KMT2B: variants seen among roughly 807,000 people sequenced by gnomAD.
The protein encoded by KMT2B is histone-lysine N-methyltransferase 2B.
Under a neutral mutation model 255.3 loss-of-function variants are expected in KMT2B, and 22 were observed. The ratio of observed to expected loss-of-function variants is 0.09; its 90% confidence interval spans 0.06 to 0.12. KMT2B has a LOEUF of 0.12. KMT2B is among the 10% of genes least tolerant of loss of function. The pLI is 1.00. For missense variants in KMT2B, 3,149 were observed against 3,737.0 expected (o/e 0.84, Z 4.10); for synonymous variants, 1,730 against 1,498.1 (o/e 1.15, Z -3.57).
chr19:35,720,074 G>T lies in KMT2B; in HGVS notation c.727G>T (p.Ala243Ser), dbSNP rs1192774504. ...GCAGCAAGCAGTAGTGGTGGCAGAA[G>T]CAGCTGTGACAATCCCCAAACCTGA... ...RKQQAVVVAE[A>S]AVTIPKPEPP... The change falls in exon 3 of 37, where the codon GCA becomes TCA. Residue 243 changes from alanine (A) to serine (S), a missense_variant. Transcript: ENST00000420124. 1 of 1,607,378 alleles carries T rather than the reference G, an allele frequency of 6.2e-7. No homozygotes were observed. Among genetic ancestry groups the T allele is most frequent in the African/African-American group, 1.3e-5 (1 of 74,800 alleles).
In KMT2B at chr19:35,727,824, G is replaced by A. The variant is rs778815098; in HGVS notation, c.4392+37G>A. The A allele has an allele frequency of 2.5e-6, 4 of 1,613,292 alleles. No homozygotes were observed. The East Asian group carries it at 6.7e-5, about 27-fold the overall frequency. On this transcript the variant is annotated intron_variant, in intron 17 of 36. Transcript: ENST00000420124. This position sits in a 1 kb window ranked among gnomAD's most constrained non-coding sequence, Gnocchi z 4.2. ...ACCAGGAGGAGCAGGTGGGTGGCAG[G>A]AGGAGAGGGCTGGAATTGTGCAGAG...
intron 30 of KMT2B, among the ~76,000 whole-genome samples, chr19:35,734,265 T>A: frequency 6.9e-6 from 1 of 144,842 alleles, no homozygotes. Context: ...ATCAGAAGAG[T>A]GGTGTCCCAG....
At chr19:35,726,081 T>C (rs1043166548) in intron 13 of KMT2B, among the ~76,000 whole-genome samples, 155 bp from the exon 14 acceptor site, 4 of 152,202 alleles carry the variant, frequency 2.6e-5, no homozygotes, top group East Asian at 1.9e-4. Flanking sequence ...CCTGCCCTCA[T>C]GTTCCTCCTC....
chr19:35,718,320 G>GGGGCCC lies in KMT2B; in HGVS notation c.304_309dup (p.Gly102_Pro103dup). ...CGGGGACGGGGTCGGGGCCGGGGCT[G>GGGGCCC]GGGCCCGAGTCGAGGCTGCGTGCCG... On this transcript the variant is annotated inframe_insertion, in exon 1 of 37. Transcript: ENST00000420124. This position sits in a 1 kb window ranked among gnomAD's most constrained non-coding sequence, Gnocchi z 5.0. The GGGGCCC allele has an allele frequency of 2.4e-6, 3 of 1,246,078 alleles. No homozygotes were observed. Among genetic ancestry groups the GGGGCCC allele is most frequent in the Non-Finnish European group, 3.0e-6 (3 of 987,610 alleles). 77.2% of individuals were successfully genotyped at this position (1,246,078 alleles called of 1,614,324 possible).
chr19:35,723,629 T>C lies in KMT2B; in HGVS notation c.3059-103T>C, dbSNP rs1004555809. 4 of 1,306,924 alleles carry C rather than the reference T, an allele frequency of 3.1e-6. No homozygotes were observed. In the African/African-American group the frequency reaches 4.5e-5, roughly 15 times the overall value. 81.0% of individuals were successfully genotyped at this position (1,306,924 alleles called of 1,614,324 possible). A position where few individuals can be genotyped will look rare whatever the true frequency, so the allele number is the denominator to read the frequency against. On this transcript the variant is annotated intron_variant, in intron 7 of 36. Transcript: ENST00000420124. The surrounding 1 kb of genome is among the most constrained non-coding windows in gnomAD (Gnocchi z 7.5). ...CCATCTTCTCCGTTGTGTGCTTTCA[T>C]AGCTCCTGCGTTCATTCCCTGCCCC...
In KMT2B at chr19:35,737,114, C is replaced by T. The variant is rs1259893225; in HGVS notation, c.7401C>T (p.Ile2467=). Residue 2467 remains isoleucine (I), a synonymous_variant, in exon 33 of 37, where the codon ATC becomes ATT. Coordinates refer to ENST00000420124, the MANE Select transcript of KMT2B (RefSeq NM_014727.3). This position sits in a 1 kb window ranked among gnomAD's most constrained non-coding sequence, Gnocchi z 5.3. ...TGAGTGGGGCGAGACTCCTGGGCAT[C>T]CACCATGATGCTGTCATCTTCCTGG... ...SGMSGARLLG[I]HHDAVIFLAE... is the part of the protein sequence containing the mutation. The T allele has an allele frequency of 6.2e-7, 1 of 1,610,326 alleles. No individual in the cohort carries two copies.
chr19:35,724,546 A>T, intron 8 of KMT2B, 91 bp from the exon 9 acceptor site: 1 of 1,099,198 alleles, frequency 9.1e-7, no homozygotes, highest in Non-Finnish European at 1.4e-6. Context: ...TTAGTTAAAG[A>T]AGGCCCTGGG....
Position 35,733,608 on chromosome 19 carries a change from TGAG to T in KMT2B, c.6974_6976del (p.Arg2325del). 6.3e-7 allele frequency: 1 copy of T among 1,583,214 alleles called. No homozygotes were observed. Among genetic ancestry groups the T allele is most frequent in the Non-Finnish European group, 8.6e-7 (1 of 1,164,938 alleles). ...GCTCGCCCTCCCAGGTTTAGCCGTG[TGAG>T]GATGAAAACCCCCACAGTGCGTGGG... On this transcript the variant is annotated inframe_deletion, in exon 29 of 37. Transcript: ENST00000420124. This position sits in a 1 kb window ranked among gnomAD's most constrained non-coding sequence, Gnocchi z 4.3.
At position 35,721,024 on chromosome 19, in the gene KMT2B, C is replaced by T. The variant is rs1405566400; in HGVS notation, c.1677C>T (p.Val559=). The change falls in exon 3 of 37, where the codon GTC becomes GTT. Residue 559 remains valine (V), a synonymous_variant. Coordinates refer to ENST00000420124, the MANE Select transcript of KMT2B (RefSeq NM_014727.3). ...CCCCCAAACCCCCAAAGGTGGAGGT[C>T]TCACCTGTCCTGCGACCTCCCATTA... is the stretch of plus-strand genomic sequence containing the variant. ...EDPPKPPKVE[V]SPVLRPPITT... 31 of 1,607,654 alleles carry T rather than the reference C, an allele frequency of 1.9e-5. No individual in the cohort carries two copies. The highest frequency in any genetic ancestry group is 2.5e-5 in the Non-Finnish European group (30 of 1,177,996).
chr19:35,719,514 C>T lies in KMT2B; in HGVS notation c.409C>T (p.Leu137=), dbSNP rs1031326404. 4 of 1,590,908 alleles carry T rather than the reference C, an allele frequency of 2.5e-6. No individual in the cohort carries two copies. The South Asian group carries it at 4.6e-5, about 18-fold the overall frequency. ...HSDEDVAPSS[L]RSALRSQRGR... ...AGATGAAGATGTGGCCCCCAGTTCC[C>T]TGCGCTCTGCGCTCCGATCCCAGCG... is the stretch of plus-strand genomic sequence containing the variant. The change falls in exon 2 of 37, where the codon CTG becomes TTG. Residue 137 remains leucine, a synonymous_variant. Coordinates refer to ENST00000420124, the MANE Select transcript of KMT2B (RefSeq NM_014727.3).
rs1969419447 is a variant in KMT2B, at chr19:35,725,894, G to A, written c.3885+76G>A. On this transcript the variant is annotated intron_variant, in intron 13 of 36. Coordinates refer to ENST00000420124, the MANE Select transcript of KMT2B (RefSeq NM_014727.3). The surrounding 1 kb of genome is among the most constrained non-coding windows in gnomAD (Gnocchi z 4.1). The stretch of plus-strand genomic sequence containing the variant: ...CACCCCCAAACTTGCTCTAGGCTGG[G>A]GCTCTCAGGAGGAGCAGAGGTTGGG... 1 of 1,262,930 alleles carries A rather than the reference G, an allele frequency of 7.9e-7. No homozygotes were observed. The highest frequency in any genetic ancestry group is 1.1e-6 in the Non-Finnish European group (1 of 885,820). 78.2% of individuals were successfully genotyped at this position (1,262,930 alleles called of 1,614,324 possible).
chr19:35,723,437 C>T lies in KMT2B; in HGVS notation c.3003-10C>T, dbSNP rs1283625551. ...CCCCTACCCTGGTGACGTGCTGCTCCCCTCCCCAGATACCGGAAGTGTGAC... is the reference window on the plus strand; with the variant it reads ...CCCCTACCCTGGTGACGTGCTGCTCTCCTCCCCAGATACCGGAAGTGTGAC... On this transcript the variant is annotated splice_polypyrimidine_tract_variant and intron_variant, in intron 6 of 36. Transcript: ENST00000420124. This position sits in a 1 kb window ranked among gnomAD's most constrained non-coding sequence, Gnocchi z 7.5. 1 of 1,573,624 alleles carries T rather than the reference C, an allele frequency of 6.4e-7. No homozygotes were observed. The highest frequency in any genetic ancestry group is 1.2e-5 in the South Asian group (1 of 85,590).
In KMT2B at chr19:35,732,821, T is replaced by G; in HGVS notation, c.6272T>G (p.Val2091Gly). 6.2e-7 allele frequency: 1 copy of G among 1,606,574 alleles called. No individual in the cohort carries two copies. The highest frequency in any genetic ancestry group is 8.5e-7 in the Non-Finnish European group (1 of 1,177,266). Reference sequence around the variant, plus strand: ...ACGCCTCCTTCGGGGCCAGGAGTAGTCCGGGCAGGGGTCCTTGGGGCTGCA... The same window carrying G: ...ACGCCTCCTTCGGGGCCAGGAGTAGGCCGGGCAGGGGTCCTTGGGGCTGCA... ...QGTPPSGPGV[V>G]RAGVLGAAGD... Residue 2091 changes from valine to glycine, a missense_variant, in exon 28 of 37, where the codon GTC (valine) becomes GGC (glycine). Val to Gly is a moderately radical substitution (Grantham distance 109). Around this residue, in one of 18 missense-constraint regions of KMT2B, gnomAD observed 897 missense variants for 825.3 expected, o/e 1.09. Coordinates refer to ENST00000420124, the MANE Select transcript of KMT2B (RefSeq NM_014727.3).
rs761455591 is a variant in KMT2B, at chr19:35,721,149, G to A, written c.1802G>A (p.Arg601Gln). ...STPVPLPEKR[R>Q]SILREPTFRW... is the part of the protein sequence containing the mutation. The stretch of plus-strand genomic sequence containing the variant: ...CCAGTTCCACTCCCTGAGAAGAGAC[G>A]GTCCATCCTAAGGGAACCCACATTT... The change falls in exon 3 of 37, where the codon CGG (arginine) becomes CAG (glutamine). Residue 601 changes from arginine (R) to glutamine (Q), a missense_variant. Around this residue, in one of 18 missense-constraint regions of KMT2B, gnomAD observed 1,188 missense variants for 1,106.4 expected, o/e 1.07. Transcript: ENST00000420124. 3.8e-6 allele frequency: 6 copies of A among 1,594,468 alleles called. No homozygotes were observed. Among genetic ancestry groups the A allele is most frequent in the East Asian group, 2.3e-5 (1 of 43,358 alleles).
chr19:35,732,395 C>G lies in KMT2B; in HGVS notation c.5846C>G (p.Thr1949Arg). Reference protein sequence around the residue: ...LRVPPPTSVVTALTPTSGELA... With the variant: ...LRVPPPTSVVRALTPTSGELA... Reference sequence around the variant, plus strand: ...GTGCCCCCTCCTACCTCAGTCGTCACAGCCCTCACACCTACCTCAGGGGAG... The same window carrying G: ...GTGCCCCCTCCTACCTCAGTCGTCAGAGCCCTCACACCTACCTCAGGGGAG... Residue 1949 changes from threonine to arginine, a missense_variant, in exon 28 of 37, where the codon ACA becomes AGA. By Grantham distance (71) the Thr-to-Arg change is moderately conservative. Around this residue, in one of 18 missense-constraint regions of KMT2B, gnomAD observed 897 missense variants for 825.3 expected, o/e 1.09. Coordinates refer to ENST00000420124, the MANE Select transcript of KMT2B (RefSeq NM_014727.3). 1.2e-6 allele frequency: 2 copies of G among 1,613,352 alleles called. No homozygotes were observed. The highest frequency in any genetic ancestry group is 1.7e-6 in the Non-Finnish European group (2 of 1,179,570).
chr19:35,721,207 T>TCCGGCC lies in KMT2B; in HGVS notation c.1862_1863insGGCCCC (p.Pro621_Pro622insAlaPro). On this transcript the variant is annotated inframe_insertion, in exon 3 of 37. Coordinates refer to ENST00000420124, the MANE Select transcript of KMT2B (RefSeq NM_014727.3). The stretch of plus-strand genomic sequence containing the variant: ...CCTCACTGACCCGGGAGCTGCCCCC[T>TCCGGCC]CCTCCCCCAGCCCCTCCACCTCCCC... 1.0e-6 allele frequency: 1 copy of TCCGGCC among 986,240 alleles called. No individual in the cohort carries two copies. The highest frequency in any genetic ancestry group is 1.3e-6 in the Non-Finnish European group (1 of 766,656). 61.1% of individuals were successfully genotyped at this position (986,240 alleles called of 1,614,324 possible).
At position 35,724,625 on chromosome 19, in the gene KMT2B, T is replaced by C. The variant is rs1361680040; in HGVS notation, c.3335-12T>C. The C allele has an allele frequency of 1.9e-6, 3 of 1,581,884 alleles. No individual in the cohort carries two copies. The highest frequency in any genetic ancestry group is 1.4e-5 in the African/African-American group (1 of 74,062). On this transcript the variant is annotated splice_polypyrimidine_tract_variant and intron_variant, in intron 8 of 36. Transcript: ENST00000420124. ...AGGGGAGTGACCTCACTGCTCATTG[T>C]GTCCTGCCTAGAGCTGCCACTGCCA... is the stretch of plus-strand genomic sequence containing the variant.
At chr19:35,721,917 G>T (rs1461821135) in intron 3 of KMT2B, 113 bp downstream of exon 3, 5 of 1,381,116 alleles carry the variant, frequency 3.6e-6, no homozygotes, top group Non-Finnish European at 4.8e-6. Flanking sequence ...GGAACCCTCA[G>T]AACCTGCCTT....
In KMT2B at chr19:35,727,296, A is replaced by G; in HGVS notation, c.4117+27A>G. 6.3e-7 allele frequency: 1 copy of G among 1,596,466 alleles called. No homozygotes were observed. The highest frequency in any genetic ancestry group is 8.6e-7 in the Non-Finnish European group (1 of 1,164,540). ...TGAGTCAGTGGAGCACCTGGGCTGCAGCCTCAACCCTGTGGGGACCCCTGC... is the reference window on the plus strand; with the variant it reads ...TGAGTCAGTGGAGCACCTGGGCTGCGGCCTCAACCCTGTGGGGACCCCTGC... On this transcript the variant is annotated intron_variant, in intron 15 of 36. Transcript: ENST00000420124. This position sits in a 1 kb window ranked among gnomAD's most constrained non-coding sequence, Gnocchi z 4.2.
Sources: gnomAD v4.1 joint callset for allele counts (sites outside exome capture counted in the v4.1 genomes callset) on GRCh38, gnomAD v4.1.1 for gene constraint, gnomAD v4.1.1 regional missense constraint, Gnocchi (gnomAD v3.1) non-coding constraint, MANE v1.5 for transcripts, NCBI Gene and HGNC (gene_info 2026-07-23, HGNC 2026-07-21) for gene names.